Variants in TBC1D21 observed in about 807,000 individuals in gnomAD.
TBC1D21 encodes the protein TBC1 domain family member 21, also known as male germ cell Rab GTPase-activating protein.
Under a neutral mutation model 46.0 loss-of-function variants are expected in TBC1D21, and 38 were observed. That is an observed-to-expected ratio of 0.83 (90% confidence interval 0.64 to 1.08). TBC1D21 has a LOEUF of 1.08. TBC1D21 is among the 50% of genes least tolerant of loss of function. The pLI, the probability that TBC1D21 is intolerant of heterozygous loss-of-function variation, is 0.00. For synonymous variants in TBC1D21, 151 were observed against 157.2 expected (o/e 0.96, Z 0.29); for missense variants, 415 against 417.9 (o/e 0.99, Z 0.06).
chr15:73,903,009 C>A, the TBC1D21 span, among the ~76,000 whole-genome samples: 1 of 152,210 alleles, frequency 6.6e-6, no homozygotes, highest in Non-Finnish European at 1.5e-5. Context: ...CAGACCCAAG[C>A]TCACCTGTTC....
intron 8 of TBC1D21, 82 bp downstream of exon 8, chr15:73,886,694 C>A (rs974413636): frequency 3.0e-6 from 4 of 1,314,368 alleles, no homozygotes; most frequent in Non-Finnish European, 4.4e-6. Flanking sequence ...TTGCCTCCCC[C>A]TTTCTTCCTG....
At chr15:73,893,168 T>C (rs893130145), downstream of TBC1D21, among the ~76,000 whole-genome samples, 4 of 152,058 alleles carry the variant, frequency 2.6e-5, no homozygotes, top group African/African-American at 9.7e-5. Flanking sequence ...AAAGATGAGA[T>C]TCAAGGAAGG....
the TBC1D21 span, among the ~76,000 whole-genome samples, chr15:73,898,863 CA>C: frequency 0.15 from 3,494 of 24,006 alleles, 266 homozygotes; most frequent in Admixed American, 0.31. Flanking sequence ...GACTCCATCT[CA>C]AAAAAAAAAA....
At chr15:73,884,512 T>A (rs2068207554) in intron 4 of TBC1D21, among the ~76,000 whole-genome samples, 1 of 152,092 alleles carries the variant, frequency 6.6e-6, no homozygotes, top group Non-Finnish European at 1.5e-5. Flanking sequence ...TTGAATGAGG[T>A]TGGATTTGAA....
At chr15:73,874,111 C>T (rs1053991082) in intron 1 of TBC1D21, among the ~76,000 whole-genome samples, 1 of 152,194 alleles carries the variant, frequency 6.6e-6, no homozygotes, top group Non-Finnish European at 1.5e-5. Flanking sequence ...GGCAGTAATG[C>T]TTTTGTTAGT....
intron 1 of TBC1D21, among the ~76,000 whole-genome samples, chr15:73,875,585 C>T (rs1286639275): frequency 1.3e-5 from 2 of 152,216 alleles, no homozygotes; most frequent in African/African-American, 4.8e-5. Context: ...GACTGAGCCA[C>T]TTAGGGCTCC....
chr15:73,882,608 G>A (rs891750343), intron 3 of TBC1D21, among the ~76,000 whole-genome samples: 6 of 152,152 alleles, frequency 3.9e-5, no homozygotes, highest in African/African-American at 7.2e-5. Flanking sequence ...AACTTGGACC[G>A]TCTTGGATTT....
intron 1 of TBC1D21, among the ~76,000 whole-genome samples, chr15:73,874,916 T>C (rs1455760961): frequency 6.6e-6 from 1 of 152,160 alleles, no homozygotes; most frequent in Non-Finnish European, 1.5e-5. Flanking sequence ...CTTGTTACGG[T>C]TGGGAGTCTA....
intron 1 of TBC1D21, among the ~76,000 whole-genome samples, chr15:73,877,650 G>A (rs965524112): frequency 6.6e-6 from 1 of 151,550 alleles, no homozygotes; most frequent in African/African-American, 2.4e-5. Flanking sequence ...TTGTGAACAT[G>A]GATGCAAAAA....
intron 10 of TBC1D21, 112 bp from the exon 11 acceptor site, chr15:73,888,957 T>C (rs1419170772): frequency 3.1e-6 from 4 of 1,282,510 alleles, no homozygotes; most frequent in Non-Finnish European, 4.5e-6. Flanking sequence ...CCTGTGTCCA[T>C]CCCAGTGGGT....
At chr15:73,886,413 C>A in intron 7 of TBC1D21, 99 bp from the exon 8 acceptor site, 1 of 1,140,262 alleles carries the variant, frequency 8.8e-7, no homozygotes. Context: ...TTGTATTTCC[C>A]AAGTGTTTTG....
Position 73,876,212 on chromosome 15 carries a change from T to G in TBC1D21, c.60+2443T>G, listed in dbSNP as rs1377540609. Among the ~76,000 whole-genome samples, 26 of 36,506 alleles carry G rather than the reference T, an allele frequency of 7.1e-4. 1 individual carries two copies. Among genetic ancestry groups the G allele is most frequent in the African/African-American group, 3.0e-3 (16 of 5,348 alleles). The allele number at this position is 36,506 out of a possible 152,430, so 23.9% of individuals were successfully genotyped here. ...CTTTTTTTGTGGGTTTTTTTTTTTT[T>G]TTTTTTTTTTTTTTTTTTTTTTTTT... On this transcript the variant is annotated intron_variant, in intron 1 of 10. Coordinates refer to ENST00000300504, the MANE Select transcript of TBC1D21 (RefSeq NM_153356.3).
the TBC1D21 span, among the ~76,000 whole-genome samples, chr15:73,907,450 T>C: frequency 6.6e-6 from 1 of 152,220 alleles, no homozygotes; most frequent in Non-Finnish European, 1.5e-5. Context: ...GAACCAAATC[T>C]TAGCTTGACC....
At chr15:73,879,657 C>T (rs2068119349) in intron 1 of TBC1D21, among the ~76,000 whole-genome samples, 1 of 152,166 alleles carries the variant, frequency 6.6e-6, no homozygotes, top group Non-Finnish European at 1.5e-5. Context: ...GCAGAAGATC[C>T]TTAAGTGATT....
the TBC1D21 span, among the ~76,000 whole-genome samples, chr15:73,900,325 C>T: frequency 6.6e-6 from 1 of 152,238 alleles, no homozygotes; most frequent in African/African-American, 2.4e-5. Context: ...GGCTGGGTTT[C>T]AATCCCCACC....
the TBC1D21 span, among the ~76,000 whole-genome samples, chr15:73,899,197 T>A: frequency 3.3e-4 from 50 of 152,206 alleles, no homozygotes; most frequent in African/African-American, 1.1e-3. Context: ...TCTGATGAGC[T>A]TCAGTTTCTC....
rs755851541 is a variant in TBC1D21 at position 73,887,750 on chromosome 15, C to T, written c.894+14C>T. The stretch of plus-strand genomic sequence containing the variant: ...GACATCCTCCTGGTGAGAGCACCCT[C>T]GGGCAAGCTACCACCCCTGCTCCTG... On this transcript the variant is annotated intron_variant, in intron 9 of 10. Transcript: ENST00000300504. 5.0e-6 allele frequency: 8 copies of T among 1,607,964 alleles called. No individual in the cohort carries two copies. Among genetic ancestry groups the T allele is most frequent in the East Asian group, 2.2e-5 (1 of 44,866 alleles).
chr15:73,876,631 C>A (rs2068074175), intron 1 of TBC1D21, among the ~76,000 whole-genome samples: 1 of 152,094 alleles, frequency 6.6e-6, no homozygotes, highest in Admixed American at 6.5e-5. Flanking sequence ...AATGCAAATT[C>A]TCTGAATACT....
At position 73,887,735 on chromosome 15, in the gene TBC1D21, T is replaced by A; in HGVS notation, c.893T>A (p.Leu298Gln). 1 of 1,612,898 alleles carries A rather than the reference T, an allele frequency of 6.2e-7. No individual in the cohort carries two copies. The highest frequency in any genetic ancestry group is 8.5e-7 in the Non-Finnish European group (1 of 1,179,382). ...AGCATGGGCGGGGATGACATCCTCC[T>A]GGTGAGAGCACCCTCGGGCAAGCTA... ...QESMGGDDILLACNNLIDLDA... is the reference protein window; with the variant it reads ...QESMGGDDILQACNNLIDLDA... The change falls in exon 9 of 11, where the codon CTG becomes CAG. Residue 298 changes from leucine to glutamine, a missense_variant and splice_region_variant. Physicochemically the swap from Leu to Gln is moderately radical, Grantham distance 113. Coordinates refer to ENST00000300504, the MANE Select transcript of TBC1D21 (RefSeq NM_153356.3).
Sources: allele counts gnomAD v4.1 joint callset (sites outside exome capture counted in the v4.1 genomes callset), GRCh38; gene constraint gnomAD v4.1.1; transcripts MANE v1.5; gene names NCBI Gene and HGNC (gene_info 2026-07-23, HGNC 2026-07-21).